USP6NL: variants seen among roughly 807,000 people sequenced by gnomAD.
USP6NL encodes USP6 N-terminal like.
A neutral mutation model predicts 61.9 loss-of-function variants in USP6NL; 26 were observed. The observed-to-expected ratio is 0.42, with a 90% CI of 0.31 to 0.58. USP6NL has a LOEUF of 0.58. Ranked by LOEUF, USP6NL falls within the 20% of genes least tolerant of loss-of-function variation. The pLI is 0.16. For synonymous variants in USP6NL, 432 were observed against 390.1 expected (o/e 1.11, Z -1.27); for missense variants, 1,114 against 1,034.3 (o/e 1.08, Z -1.06).
At position 11,600,253 on chromosome 10, in the gene USP6NL, A is replaced by G. The variant is rs1838474744; in HGVS notation, c.-83-2536T>C. Among the ~76,000 whole-genome samples the G allele has an allele frequency of 6.6e-6, 1 of 152,214 alleles. No homozygotes were observed. Among genetic ancestry groups the G allele is most frequent in the African/African-American group, 2.4e-5 (1 of 41,456 alleles). On this transcript the variant is annotated intron_variant, in intron 1 of 14. Coordinates refer to ENST00000609104, the MANE Select transcript of USP6NL (RefSeq NM_014688.5). The surrounding 1 kb of genome is among the most constrained non-coding windows in gnomAD (Gnocchi z 4.1). ...GTACTCTAAGTCTAAGGGCGTGGCC[A>G]TATGACTTGCTGGAATGGTTCTAAC...
rs1427219382 is a variant in USP6NL at position 11,555,451 on chromosome 10, T to TATATAGAGAG, written c.5-27885_5-27884insCTCTCTATAT. 2.3e-4 allele frequency among the ~76,000 whole-genome samples: 14 copies of TATATAGAGAG among 60,998 alleles called. No individual in the cohort carries two copies. In the East Asian group the frequency reaches 5.8e-3, roughly 25 times the overall value. 40.0% of individuals were successfully genotyped at this position (60,998 alleles called of 152,430 possible). ...AAAAAAAAATATATATATATATATATAGAGAGAGAGAGAGAGAGAAAGAGA... is the reference window on the plus strand; with the variant it reads ...AAAAAAAAATATATATATATATATATATATAGAGAGAGAGAGAGAGAGAGAGAGAAAGAGA... On this transcript the variant is annotated intron_variant, in intron 2 of 14. Coordinates refer to ENST00000609104, the MANE Select transcript of USP6NL (RefSeq NM_014688.5).
intron 2 of USP6NL, among the ~76,000 whole-genome samples, chr10:11,535,257 T>G (rs1835788058): frequency 6.6e-6 from 1 of 152,208 alleles, no homozygotes. Flanking sequence ...GTGATGTCAC[T>G]GAGTGCAGTT....
intron 2 of USP6NL, among the ~76,000 whole-genome samples, chr10:11,571,480 CA>C (rs1298721959): frequency 3.3e-5 from 5 of 152,128 alleles, no homozygotes; most frequent in African/African-American, 1.2e-4. Flanking sequence ...AAACTTCTCT[CA>C]AACCATTTAT....
Position 11,540,217 on chromosome 10 carries a change from T to C in USP6NL, c.5-12650A>G, listed in dbSNP as rs1483005704. Among the ~76,000 whole-genome samples, 2 of 152,188 alleles carry C rather than the reference T, an allele frequency of 1.3e-5. No individual in the cohort carries two copies. The highest frequency in any genetic ancestry group is 2.4e-5 in the African/African-American group (1 of 41,452). On this transcript the variant is annotated intron_variant, in intron 2 of 14. Coordinates refer to ENST00000609104, the MANE Select transcript of USP6NL (RefSeq NM_014688.5). This position sits in a 1 kb window ranked among gnomAD's most constrained non-coding sequence, Gnocchi z 5.0. ...GTCAATTATTTGTGCAAAATGGAGA[T>C]GAATGGTATTCTGAAGAATCCAAGA... is the stretch of plus-strand genomic sequence containing the variant.
rs1837917457 is a variant in USP6NL, at chr10:11,585,060, T to A, written c.4+12571A>T. ...AGCATTCAAAGTTAAAATCTGTGATTTTTCCATAATCATTTTGGGAGAAAA... is the reference window on the plus strand; with the variant it reads ...AGCATTCAAAGTTAAAATCTGTGATATTTCCATAATCATTTTGGGAGAAAA... On this transcript the variant is annotated intron_variant, in intron 2 of 14. Coordinates refer to ENST00000609104, the MANE Select transcript of USP6NL (RefSeq NM_014688.5). This position sits in a 1 kb window ranked among gnomAD's most constrained non-coding sequence, Gnocchi z 4.5. 6.6e-6 allele frequency among the ~76,000 whole-genome samples: 1 copy of A among 152,194 alleles called. No homozygotes were observed. The highest frequency in any genetic ancestry group is 2.1e-4 in the South Asian group (1 of 4,832).
chr10:11,525,320 CAATAT>C lies in USP6NL; in HGVS notation c.155+61_155+65del, dbSNP rs1835370796. On this transcript the variant is annotated intron_variant, in intron 4 of 14. Coordinates refer to ENST00000609104, the MANE Select transcript of USP6NL (RefSeq NM_014688.5). This position sits in a 1 kb window ranked among gnomAD's most constrained non-coding sequence, Gnocchi z 5.0. ...CAATTATATTAAAAATAAAGAAAAT[CAATAT>C]AATAGGTGACCACAGAAACGTTATA... 2 of 1,282,280 alleles carry C rather than the reference CAATAT, an allele frequency of 1.6e-6. No individual in the cohort carries two copies. Among genetic ancestry groups the C allele is most frequent in the South Asian group, 1.4e-5 (1 of 70,496 alleles). 79.4% of individuals were successfully genotyped at this position (1,282,280 alleles called of 1,614,324 possible).
intron 2 of USP6NL, among the ~76,000 whole-genome samples, chr10:11,569,788 C>A (rs1837294343): frequency 6.6e-6 from 1 of 152,166 alleles, no homozygotes; most frequent in Non-Finnish European, 1.5e-5. Flanking sequence ...GGTTTTATGG[C>A]AAATTGTTTC....
At chr10:11,582,984 C>A (rs1318810632) in intron 2 of USP6NL, among the ~76,000 whole-genome samples, 1 of 148,526 alleles carries the variant, frequency 6.7e-6, no homozygotes, top group African/African-American at 2.5e-5. Flanking sequence ...GGGTAATCAA[C>A]CTCCTTCCAT....
chr10:11,500,709 C>T (rs1834147725), intron 7 of USP6NL, among the ~76,000 whole-genome samples: 4 of 152,092 alleles, frequency 2.6e-5, no homozygotes, highest in Admixed American at 2.6e-4. Flanking sequence ...CTGAATTCTG[C>T]TGCTGTTTCC....
chr10:11,494,462 T>C (rs1378545964), intron 7 of USP6NL, among the ~76,000 whole-genome samples: 1 of 152,060 alleles, frequency 6.6e-6, no homozygotes, highest in African/African-American at 2.4e-5. Flanking sequence ...GGTCGGTGAG[T>C]TTCTCCCCGT....
Position 11,496,994 on chromosome 10 carries a change from T to C in USP6NL, c.385-3766A>G, listed in dbSNP as rs1307109582. ...TATTGTATTAGATTCATATGGCCAC[T>C]AAAATATTATTGTATATTATTTCTG... On this transcript the variant is annotated intron_variant, in intron 7 of 14. Coordinates refer to ENST00000609104, the MANE Select transcript of USP6NL (RefSeq NM_014688.5). The surrounding 1 kb of genome is among the most constrained non-coding windows in gnomAD (Gnocchi z 5.4). 6.6e-6 allele frequency among the ~76,000 whole-genome samples: 1 copy of C among 151,972 alleles called. No individual in the cohort carries two copies. The highest frequency in any genetic ancestry group is 2.4e-5 in the African/African-American group (1 of 41,370).
intron 5 of USP6NL, among the ~76,000 whole-genome samples, chr10:11,517,297 G>A (rs1834998066): frequency 6.6e-6 from 1 of 152,090 alleles, no homozygotes; most frequent in African/African-American, 2.4e-5. Flanking sequence ...CTTCACAGGG[G>A]CATTTACCAA....
intron 2 of USP6NL, chr10:11,564,189 C>T (rs1837040000): frequency 1.3e-5 from 2 of 152,274 alleles, no homozygotes; most frequent in South Asian, 4.1e-4. Context: ...AGAAACAATA[C>T]TCAAGCAGCC....
rs1006731820 is a variant in USP6NL, at chr10:11,562,852, T to A, written c.4+34779A>T. ...AAGAATAATAGTAAGGGTCTTTTGG[T>A]AGTTTCTTGAAAAAGTAGACATCCA... is the stretch of plus-strand genomic sequence containing the variant. On this transcript the variant is annotated intron_variant, in intron 2 of 14. Coordinates refer to ENST00000609104, the MANE Select transcript of USP6NL (RefSeq NM_014688.5). The surrounding 1 kb of genome is among the most constrained non-coding windows in gnomAD (Gnocchi z 4.8). 2 of 911,360 alleles carry A rather than the reference T, an allele frequency of 2.2e-6. No individual in the cohort carries two copies. The highest frequency in any genetic ancestry group is 2.6e-6 in the Non-Finnish European group (2 of 762,612). 56.5% of individuals were successfully genotyped at this position (911,360 alleles called of 1,614,324 possible).
intron 1 of USP6NL, among the ~76,000 whole-genome samples, chr10:11,603,948 T>A (rs1318922138): frequency 6.6e-6 from 1 of 152,192 alleles, no homozygotes; most frequent in Non-Finnish European, 1.5e-5. Context: ...TGGTGGACTA[T>A]AAGCCTTGCA....
Position 11,491,564 on chromosome 10 carries a change from G to A in USP6NL, c.495-684C>T, listed in dbSNP as rs1191271791. Among the ~76,000 whole-genome samples the A allele has an allele frequency of 1.3e-5, 2 of 152,302 alleles. No individual in the cohort carries two copies. Among genetic ancestry groups the A allele is most frequent in the East Asian group, 3.9e-4 (2 of 5,186 alleles). ...ACCACTTTGGGCTCCTTATGCCTCT[G>A]AACCAACAGGCAAAGAAGGACGTGG... On this transcript the variant is annotated intron_variant, in intron 8 of 14. Coordinates refer to ENST00000609104, the MANE Select transcript of USP6NL (RefSeq NM_014688.5). The surrounding 1 kb of genome is among the most constrained non-coding windows in gnomAD (Gnocchi z 4.7).
intron 13 of USP6NL, among the ~76,000 whole-genome samples, chr10:11,483,107 T>C (rs1407961734): frequency 6.6e-6 from 1 of 152,216 alleles, no homozygotes; most frequent in Non-Finnish European, 1.5e-5. Context: ...AACTGAAACT[T>C]GAACCAGCAT....
Position 11,481,976 on chromosome 10 carries a change from G to C in USP6NL, c.926-54C>G, listed in dbSNP as rs1199452954. On this transcript the variant is annotated intron_variant, in intron 13 of 14. Coordinates refer to ENST00000609104, the MANE Select transcript of USP6NL (RefSeq NM_014688.5). This position sits in a 1 kb window ranked among gnomAD's most constrained non-coding sequence, Gnocchi z 4.4. ...CCAAGTCAATAGCTACTTTAGGTAG[G>C]AAGATATTCTATTATATTCAGGTGT... 6.6e-7 allele frequency: 1 copy of C among 1,517,434 alleles called. No individual in the cohort carries two copies. The highest frequency in any genetic ancestry group is 2.3e-5 in the East Asian group (1 of 43,332). 94.0% of individuals were successfully genotyped at this position (1,517,434 alleles called of 1,614,324 possible). A position where few individuals can be genotyped will look rare whatever the true frequency, so the allele number is the denominator to read the frequency against.
In USP6NL at chr10:11,465,850, G is replaced by T. The variant is rs1243451723; in HGVS notation, c.1079-2001C>A. On this transcript the variant is annotated intron_variant, in intron 14 of 14. Coordinates refer to ENST00000609104, the MANE Select transcript of USP6NL (RefSeq NM_014688.5). The surrounding 1 kb of genome is among the most constrained non-coding windows in gnomAD (Gnocchi z 4.5). ...ACTGGATTGTTTTAAATAAATTTTAGGGACTGCCTTTTTCTGTTAGCAAAA... is the reference window on the plus strand; with the variant it reads ...ACTGGATTGTTTTAAATAAATTTTATGGACTGCCTTTTTCTGTTAGCAAAA... Among the ~76,000 whole-genome samples the T allele has an allele frequency of 6.6e-6, 1 of 152,118 alleles. No individual in the cohort carries two copies. The highest frequency in any genetic ancestry group is 2.4e-5 in the African/African-American group (1 of 41,426).
Sources: gnomAD v4.1 joint callset for allele counts (sites outside exome capture counted in the v4.1 genomes callset) on GRCh38, gnomAD v4.1.1 for gene constraint, Gnocchi (gnomAD v3.1) non-coding constraint, MANE v1.5 for transcripts, NCBI Gene and HGNC (gene_info 2026-07-23, HGNC 2026-07-21) for gene names.